CHRM3: variants seen among roughly 807,000 people sequenced by gnomAD.
CHRM3 encodes the protein cholinergic receptor muscarinic 3.
Under a neutral mutation model 41.8 loss-of-function variants are expected in CHRM3, and 11 were observed. That is an observed-to-expected ratio of 0.26 (90% confidence interval 0.17 to 0.44). The LOEUF (loss-of-function observed/expected upper bound fraction) is 0.44. Ranked by LOEUF, CHRM3 falls within the 20% of genes least tolerant of loss-of-function variation. The probability of loss-of-function intolerance (pLI) is 1.00; values close to 1 mark genes in which losing one functional copy is unlikely to be tolerated. For synonymous variants in CHRM3, 297 were observed against 301.4 expected (o/e 0.99, Z 0.15); for missense variants, 571 against 745.4 (o/e 0.77, Z 2.72).
intron 6 of CHRM3, among the ~76,000 whole-genome samples, chr1:239,896,902 G>C (rs926693280): frequency 6.6e-6 from 1 of 152,188 alleles, no homozygotes; most frequent in African/African-American, 2.4e-5. Context: ...TGTTAGGCAT[G>C]AAAAAGACCT....
chr1:239,573,723 A>G (rs1454855422), intron 3 of CHRM3, among the ~76,000 whole-genome samples: 1 of 152,018 alleles, frequency 6.6e-6, no homozygotes, highest in South Asian at 2.1e-4. Context: ...TCTTCACTGT[A>G]TTGTTCTCTT....
chr1:239,750,028 T>C (rs1331259417), intron 5 of CHRM3, among the ~76,000 whole-genome samples: 1 of 152,236 alleles, frequency 6.6e-6, no homozygotes, highest in East Asian at 1.9e-4. Flanking sequence ...TGTTCATTAA[T>C]TGGTAACATA....
intron 5 of CHRM3, among the ~76,000 whole-genome samples, chr1:239,758,550 T>G (rs78135472): frequency 0.062 from 9,462 of 152,248 alleles, 717 homozygotes; most frequent in African/African-American, 0.17. Flanking sequence ...TCCAAATGTA[T>G]CCAACATTTT....
intron 1 of CHRM3, among the ~76,000 whole-genome samples, chr1:239,404,392 G>GAA (rs1320845596): frequency 1.4e-5 from 1 of 69,852 alleles, no homozygotes; most frequent in African/African-American, 5.8e-5. Context: ...AAGAAAGAAA[G>GAA]AAAGAAAGAA....
At chr1:239,468,514 A>G (rs1665892020) in intron 1 of CHRM3, among the ~76,000 whole-genome samples, 1 of 152,186 alleles carries the variant, frequency 6.6e-6, no homozygotes, top group African/African-American at 2.4e-5. Flanking sequence ...CCAATCCTAT[A>G]TGAATGAAAT....
At chr1:239,835,720 A>T (rs1673259003) in intron 6 of CHRM3, among the ~76,000 whole-genome samples, 1 of 152,244 alleles carries the variant, frequency 6.6e-6, no homozygotes, top group Non-Finnish European at 1.5e-5. Context: ...GGAGTGAGGT[A>T]GTATCACATG....
intron 5 of CHRM3, among the ~76,000 whole-genome samples, chr1:239,751,093 C>A (rs1032940710): frequency 1.3e-5 from 2 of 151,958 alleles, no homozygotes; most frequent in African/African-American, 4.8e-5. Flanking sequence ...AATAAGTTAG[C>A]CAGGTGTGTT....
At chr1:239,766,674 TATAG>T (rs1457717302) in intron 5 of CHRM3, among the ~76,000 whole-genome samples, 1 of 24,940 alleles carries the variant, frequency 4.0e-5, no homozygotes, top group African/African-American at 7.0e-5. Flanking sequence ...GATATAGATA[TATAG>T]ATATAGATAT....
chr1:239,597,731 A>G (rs1458697472), intron 3 of CHRM3, among the ~76,000 whole-genome samples: 1 of 150,650 alleles, frequency 6.6e-6, no homozygotes, highest in Non-Finnish European at 1.5e-5. Flanking sequence ...TCTTAACTCT[A>G]TTTTGTTTTT....
chr1:239,552,287 G>C (rs556505468), intron 3 of CHRM3, among the ~76,000 whole-genome samples: 3 of 143,234 alleles, frequency 2.1e-5, no homozygotes, highest in African/African-American at 7.5e-5. Context: ...TAGATGATAT[G>C]TATCATATTT....
chr1:239,608,830 C>T (rs1344886359), intron 3 of CHRM3, among the ~76,000 whole-genome samples: 1 of 152,068 alleles, frequency 6.6e-6, no homozygotes, highest in African/African-American at 2.4e-5. Context: ...ATAGATTAAA[C>T]GTATTATATA....
At position 239,910,614 on chromosome 1, in the gene CHRM3, C is replaced by G. The variant is rs183154605; in HGVS notation, c.*1390C>G. On this transcript the variant is annotated 3_prime_UTR_variant, in exon 7 of 7. Transcript: ENST00000676153. Reference sequence around the variant, plus strand: ...AAAAAAAATTGTTTTTTTGCATTCTCCCTTGAATTGACCAAAATGTTAACT... The same window carrying G: ...AAAAAAAATTGTTTTTTTGCATTCTGCCTTGAATTGACCAAAATGTTAACT... 3.4e-3 allele frequency: 571 copies of G among 166,512 alleles called. 2 individuals carry two copies. The highest frequency in any genetic ancestry group is 5.9e-3 in the Non-Finnish European group (404 of 68,018). The allele number at this position is 166,512 out of a possible 1,614,324, so 10.3% of individuals were successfully genotyped here. A position where few individuals can be genotyped will look rare whatever the true frequency, so the allele number is the denominator to read the frequency against.
At chr1:239,877,799 G>A (rs1374386390) in intron 6 of CHRM3, among the ~76,000 whole-genome samples, 2 of 151,882 alleles carry the variant, frequency 1.3e-5, no homozygotes, top group Non-Finnish European at 2.9e-5. Context: ...CCAGTTTTGT[G>A]GACGACAATT....
chr1:239,694,232 T>C (rs977865534), intron 5 of CHRM3, among the ~76,000 whole-genome samples: 5 of 152,212 alleles, frequency 3.3e-5, no homozygotes, highest in Non-Finnish European at 2.9e-5. Flanking sequence ...AGATGATCGA[T>C]ACAAACCTAA....
intron 2 of CHRM3, among the ~76,000 whole-genome samples, chr1:239,515,262 A>G (rs1669180610): frequency 6.6e-6 from 1 of 151,850 alleles, no homozygotes; most frequent in African/African-American, 2.4e-5. Context: ...ATGCATGGGG[A>G]CTGCATGTGG....
chr1:239,724,389 T>C (rs1344753390), intron 5 of CHRM3, among the ~76,000 whole-genome samples: 1 of 152,008 alleles, frequency 6.6e-6, no homozygotes, highest in Non-Finnish European at 1.5e-5. Context: ...TTTTTCTTTT[T>C]ATCACCATAT....
At position 239,417,586 on chromosome 1, in the gene CHRM3, T is replaced by TTG. The variant is rs1553296994; in HGVS notation, c.-521+30360_-521+30361insGT. ...AATAGGTAAGATTAATTTGTTTTTT[T>TTG]TTTTTTTTTTGCTTTTTCTCTTAAT... On this transcript the variant is annotated intron_variant, in intron 1 of 6. Coordinates refer to ENST00000676153, the MANE Select transcript of CHRM3 (RefSeq NM_001375978.1). Among the ~76,000 whole-genome samples, 6 of 151,528 alleles carry TTG rather than the reference T, an allele frequency of 4.0e-5. No individual in the cohort carries two copies. The East Asian group carries it at 5.8e-4, about 15-fold the overall frequency.
chr1:239,776,305 G>T (rs116388325), intron 5 of CHRM3, among the ~76,000 whole-genome samples: 25 of 152,280 alleles, frequency 1.6e-4, no homozygotes, highest in Non-Finnish European at 3.1e-4. Flanking sequence ...TTATAAGGTT[G>T]TCATAAGGAT....
rs555694801 is a variant in CHRM3, at chr1:239,809,176, C to T, written c.-146-18076C>T. ...CTGGGACTACAGGCACCCGCCACCA[C>T]ACCCGGCTAGTTTTTTTGTATTTTT... On this transcript the variant is annotated intron_variant, in intron 5 of 6. Transcript: ENST00000676153. Among the ~76,000 whole-genome samples, 242 of 44,636 alleles carry T rather than the reference C, an allele frequency of 5.4e-3. 1 individual carries two copies. The highest frequency in any genetic ancestry group is 0.016 in the Admixed American group (60 of 3,786). 29.3% of individuals were successfully genotyped at this position (44,636 alleles called of 152,430 possible). A position where few individuals can be genotyped will look rare whatever the true frequency, so the allele number is the denominator to read the frequency against.
Sources: gnomAD v4.1 joint callset for allele counts (sites outside exome capture counted in the v4.1 genomes callset) on GRCh38, gnomAD v4.1.1 for gene constraint, MANE v1.5 for transcripts, NCBI Gene and HGNC (gene_info 2026-07-23, HGNC 2026-07-21) for gene names.